The following XKR6 variants were observed in gnomAD, a reference collection of about 807,000 sequenced individuals.
XKR6 encodes the protein XK-related protein 6.
In XKR6, 22 loss-of-function variants were observed where a neutral mutation model predicts 56.7. The observed-to-expected ratio is 0.39, with a 90% CI of 0.28 to 0.55. The LOEUF is 0.55. XKR6 is among the 20% of genes least tolerant of loss of function. The pLI is 0.66. For synonymous variants in XKR6, 524 were observed against 387.8 expected (o/e 1.35, Z -4.13); for missense variants, 852 against 889.0 (o/e 0.96, Z 0.53).
At chr8:11,024,204 G>GGTGTGT (rs61021720) in intron 1 of XKR6, among the ~76,000 whole-genome samples, 4,351 of 136,756 alleles carry the variant, frequency 0.032, 122 homozygotes, top group Admixed American at 0.065. Context: ...CCTGTTAGGA[G>GGTGTGT]GTGTGTGTGT....
chr8:11,125,456 A>T (rs1030090513), intron 1 of XKR6, among the ~76,000 whole-genome samples: 7 of 152,162 alleles, frequency 4.6e-5, no homozygotes, highest in Non-Finnish European at 7.4e-5. Flanking sequence ...GTATGAGATT[A>T]ATTACCACAG....
At chr8:10,970,901 C>G (rs990981929) in intron 1 of XKR6, among the ~76,000 whole-genome samples, 4 of 151,322 alleles carry the variant, frequency 2.6e-5, no homozygotes, top group Admixed American at 1.3e-4. Context: ...GATTCCAGTG[C>G]CAGGAAGAGG....
At chr8:11,059,815 G>C (rs988961897) in intron 1 of XKR6, among the ~76,000 whole-genome samples, 1 of 152,096 alleles carries the variant, frequency 6.6e-6, no homozygotes, top group Non-Finnish European at 1.5e-5. Flanking sequence ...ACGGGGACAA[G>C]AGCATTTCCA....
intron 1 of XKR6, among the ~76,000 whole-genome samples, chr8:10,955,391 G>C (rs998173453): frequency 6.6e-6 from 1 of 151,962 alleles, no homozygotes; most frequent in African/African-American, 2.4e-5. Context: ...ATGTTATCCA[G>C]GCTAGCCTTG....
At chr8:10,918,688 G>A (rs1312718236) in intron 2 of XKR6, among the ~76,000 whole-genome samples, 3 of 152,136 alleles carry the variant, frequency 2.0e-5, no homozygotes, top group Non-Finnish European at 4.4e-5. Context: ...CAGAACCATC[G>A]GAGAATCCCC....
At chr8:11,134,052 C>T (rs969279573) in intron 1 of XKR6, among the ~76,000 whole-genome samples, 7 of 152,162 alleles carry the variant, frequency 4.6e-5, no homozygotes, top group South Asian at 2.1e-4. Context: ...AGCCCCAGAA[C>T]GTGCTGCTGT....
At chr8:11,151,762 T>TC (rs746990659) in intron 1 of XKR6, among the ~76,000 whole-genome samples, 23 of 151,716 alleles carry the variant, frequency 1.5e-4, no homozygotes, top group Non-Finnish European at 2.6e-4. Flanking sequence ...CTGCCTTACA[T>TC]CCCCCCGCTC....
At chr8:11,006,744 T>G (rs531386611) in intron 1 of XKR6, among the ~76,000 whole-genome samples, 2 of 152,292 alleles carry the variant, frequency 1.3e-5, no homozygotes, top group East Asian at 3.9e-4. Flanking sequence ...TTTCTGTCCT[T>G]GGAGACCTTA....
intron 1 of XKR6, among the ~76,000 whole-genome samples, chr8:11,007,725 C>T (rs1162933925): frequency 2.0e-5 from 3 of 152,164 alleles, no homozygotes; most frequent in Non-Finnish European, 4.4e-5. Context: ...CTCCTGGTTG[C>T]TGTAAGGGTT....
chr8:11,048,461 G>A (rs577658505), intron 1 of XKR6, among the ~76,000 whole-genome samples: 65 of 152,246 alleles, frequency 4.3e-4, no homozygotes, highest in Non-Finnish European at 7.9e-4. Context: ...AACGCATATC[G>A]AGGTCTCTTA....
At chr8:11,177,451 C>T (rs1473829395) in intron 1 of XKR6, among the ~76,000 whole-genome samples, 1 of 152,198 alleles carries the variant, frequency 6.6e-6, no homozygotes, top group African/African-American at 2.4e-5. Context: ...GTGTTATGGG[C>T]TCAATTCTCC....
chr8:11,125,283 G>A (rs1276773774), intron 1 of XKR6, among the ~76,000 whole-genome samples: 1 of 152,024 alleles, frequency 6.6e-6, no homozygotes, highest in African/African-American at 2.4e-5. Context: ...GAGGGGCCAG[G>A]CAAATGCAGA....
intron 2 of XKR6, among the ~76,000 whole-genome samples, chr8:10,911,199 CGTGTGTGTGTGTGT>C (rs745616432): frequency 1.6e-3 from 202 of 126,340 alleles, no homozygotes; most frequent in Non-Finnish European, 2.6e-3. Context: ...AGAGGGTGTG[CGTGTGTGTGTGTGT>C]GTGTGTGTGT....
At chr8:10,941,289 G>C (rs1349841748) in intron 1 of XKR6, among the ~76,000 whole-genome samples, 1 of 152,152 alleles carries the variant, frequency 6.6e-6, no homozygotes, top group Non-Finnish European at 1.5e-5. Flanking sequence ...GGCAGGAACA[G>C]AGGGGACGGT....
At chr8:11,082,711 G>C (rs1399353345) in intron 1 of XKR6, among the ~76,000 whole-genome samples, 1 of 152,192 alleles carries the variant, frequency 6.6e-6, no homozygotes, top group African/African-American at 2.4e-5. Flanking sequence ...GCTTTCCTCA[G>C]TTCCTTTTAA....
At chr8:11,026,576 C>A (rs1449322552) in intron 1 of XKR6, among the ~76,000 whole-genome samples, 1 of 150,498 alleles carries the variant, frequency 6.6e-6, no homozygotes, top group African/African-American at 2.4e-5. Context: ...AATGGCGTTG[C>A]CTACTACACA....
intron 1 of XKR6, among the ~76,000 whole-genome samples, chr8:11,154,125 T>G (rs1223868497): frequency 6.6e-6 from 1 of 152,158 alleles, no homozygotes; most frequent in Non-Finnish European, 1.5e-5. Context: ...TGTCCTTGTT[T>G]AGGGTGGGGG....
In XKR6 at chr8:11,034,666, G is replaced by A. The variant is rs1799092075; in HGVS notation, c.765-109836C>T. 2.6e-5 allele frequency among the ~76,000 whole-genome samples: 4 copies of A among 152,200 alleles called. No individual in the cohort carries two copies. The South Asian group carries it at 8.3e-4, about 31-fold the overall frequency. ...TTGTCCCTAAGCTCAGTCCCCTAAA[G>A]ATACCAGCACATGACTGTCAGGCCC... On this transcript the variant is annotated intron_variant, in intron 1 of 2. Coordinates refer to ENST00000416569, the MANE Select transcript of XKR6 (RefSeq NM_173683.4).
intron 1 of XKR6, among the ~76,000 whole-genome samples, chr8:11,188,024 C>A (rs1454383429): frequency 6.6e-6 from 1 of 152,078 alleles, no homozygotes; most frequent in African/African-American, 2.4e-5. Context: ...TGGCCTTAAT[C>A]CTGTTTTTTT....
Sources: gnomAD v4.1 joint callset for allele counts (sites outside exome capture counted in the v4.1 genomes callset) on GRCh38, gnomAD v4.1.1 for gene constraint, MANE v1.5 for transcripts, NCBI Gene and HGNC (gene_info 2026-07-23, HGNC 2026-07-21) for gene names.